Variants in ELOVL6 observed in about 807,000 individuals in gnomAD.
ELOVL6 encodes the protein ELOVL fatty acid elongase 6.
ELOVL6 carries 8 observed loss-of-function variants against 31.7 expected under a neutral mutation model. The observed-to-expected ratio is 0.25, with a 90% confidence interval of 0.15 to 0.45. The LOEUF (loss-of-function observed/expected upper bound fraction) is 0.45. Among genes scored for constraint, ELOVL6 ranks in the 20% least tolerant of loss-of-function variants. The probability of loss-of-function intolerance (pLI) is 1.00; values close to 1 mark genes in which losing one functional copy is unlikely to be tolerated. For missense variants in ELOVL6, 126 were observed against 326.4 expected (o/e 0.39, Z 4.73); for synonymous variants, 101 against 117.7 (o/e 0.86, Z 0.92).
intron 3 of ELOVL6, among the ~76,000 whole-genome samples, chr4:110,053,810 G>C (rs1343221367): frequency 6.6e-6 from 1 of 152,174 alleles, no homozygotes; most frequent in Non-Finnish European, 1.5e-5. Context: ...GTGGTGGTGG[G>C]TGCCTGTGGT....
chr4:110,141,219 A>C (rs149589014), intron 1 of ELOVL6, among the ~76,000 whole-genome samples: 1 of 152,178 alleles, frequency 6.6e-6, no homozygotes, highest in East Asian at 1.9e-4. Context: ...ATGAGCCACC[A>C]CACCCAGCTA....
In ELOVL6 at chr4:110,048,657, G is replaced by C. The variant is rs1250197207; in HGVS notation, c.*2681C>G. The C allele has an allele frequency of 6.6e-6, 1 of 152,148 alleles. No homozygotes were observed. Among genetic ancestry groups the C allele is most frequent in the East Asian group, 1.9e-4 (1 of 5,194 alleles). 9.4% of individuals were successfully genotyped at this position (152,148 alleles called of 1,614,324 possible). A position where few individuals can be genotyped will look rare whatever the true frequency, so the allele number is the denominator to read the frequency against. ...ATGATTAAAGCGGCTAAGCTGAGATGTTAAAAACAGTGTATTGAACCTATA... is the reference window on the plus strand; with the variant it reads ...ATGATTAAAGCGGCTAAGCTGAGATCTTAAAAACAGTGTATTGAACCTATA... On this transcript the variant is annotated 3_prime_UTR_variant, in exon 4 of 4. Transcript: ENST00000302274.
intron 2 of ELOVL6, among the ~76,000 whole-genome samples, chr4:110,072,940 G>T (rs940388334): frequency 6.6e-6 from 1 of 152,082 alleles, no homozygotes; most frequent in African/African-American, 2.4e-5. Flanking sequence ...ATCACGAAAT[G>T]ATTTTGAAAA....
rs1578438219 is a variant in ELOVL6 at position 110,050,209 on chromosome 4, T to C, written c.*1129A>G. On this transcript the variant is annotated 3_prime_UTR_variant, in exon 4 of 4. Coordinates refer to ENST00000302274, the MANE Select transcript of ELOVL6 (RefSeq NM_024090.3). ...AGAAACACAGTGTTCCCCCAATATT[T>C]CGAACAGCCCTGTGATTTCCTTTTG... 1 of 152,588 alleles carries C rather than the reference T, an allele frequency of 6.6e-6. No homozygotes were observed. The highest frequency in any genetic ancestry group is 1.5e-5 in the Non-Finnish European group (1 of 68,032). 9.5% of individuals were successfully genotyped at this position (152,588 alleles called of 1,614,324 possible).
At chr4:110,084,576 A>AGATT (rs1756175796) in intron 2 of ELOVL6, among the ~76,000 whole-genome samples, 1 of 48,702 alleles carries the variant, frequency 2.1e-5, no homozygotes, top group African/African-American at 1.6e-4. Flanking sequence ...ATATATATAT[A>AGATT]TATATATATA....
At chr4:110,089,504 T>G (rs948127250) in intron 2 of ELOVL6, among the ~76,000 whole-genome samples, 1 of 152,140 alleles carries the variant, frequency 6.6e-6, no homozygotes, top group Non-Finnish European at 1.5e-5. Flanking sequence ...TGACTGTACA[T>G]ACAGACAGCT....
intron 1 of ELOVL6, among the ~76,000 whole-genome samples, chr4:110,179,376 C>G (rs997650993): frequency 6.6e-6 from 1 of 152,064 alleles, no homozygotes; most frequent in African/African-American, 2.4e-5. Context: ...TGTGGTGGCA[C>G]ATGCCTGTAA....
chr4:110,081,436 C>A (rs1294383451), intron 2 of ELOVL6, among the ~76,000 whole-genome samples: 1 of 152,112 alleles, frequency 6.6e-6, no homozygotes, highest in African/African-American at 2.4e-5. Flanking sequence ...AGAAATAATG[C>A]CACATATCTA....
chr4:110,190,408 C>A lies in ELOVL6; in HGVS notation c.89+7839G>T, dbSNP rs114216047. ...AATCATGATAAATGTGTAGGCTTGACCTTAGATGACTGACATGGTTCCAAG... is the reference window on the plus strand; with the variant it reads ...AATCATGATAAATGTGTAGGCTTGAACTTAGATGACTGACATGGTTCCAAG... On this transcript the variant is annotated intron_variant, in intron 1 of 3. Coordinates refer to ENST00000302274, the MANE Select transcript of ELOVL6 (RefSeq NM_024090.3). Among the ~76,000 whole-genome samples, 268 of 152,096 alleles carry A rather than the reference C, an allele frequency of 1.8e-3. 2 individuals carry two copies. The highest frequency in any genetic ancestry group is 3.4e-3 in the Middle Eastern group (1 of 294).
intron 1 of ELOVL6, among the ~76,000 whole-genome samples, chr4:110,176,730 T>A (rs1345152365): frequency 6.6e-6 from 1 of 152,206 alleles, no homozygotes; most frequent in Non-Finnish European, 1.5e-5. Flanking sequence ...GATCACTCTC[T>A]TTGTCATTCT....
rs532171204 is a variant in ELOVL6 at position 110,156,672 on chromosome 4, C to T, written c.89+41575G>A. Among the ~76,000 whole-genome samples the T allele has an allele frequency of 1.6e-3, 247 of 152,084 alleles. 2 individuals carry two copies. Among genetic ancestry groups the T allele is most frequent in the Non-Finnish European group, 2.6e-3 (176 of 67,990 alleles). On this transcript the variant is annotated intron_variant, in intron 1 of 3. Transcript: ENST00000302274. ...CTGCACTCCAGCCTGGGCAACAGAG[C>T]GAGACCCTGCCTCAAAAAAACAGAA...
At chr4:110,058,886 G>A (rs930168634) in intron 3 of ELOVL6, among the ~76,000 whole-genome samples, 1 of 152,018 alleles carries the variant, frequency 6.6e-6, no homozygotes, top group African/African-American at 2.4e-5. Context: ...AGAGCTTATT[G>A]TCACCACTAG....
At chr4:110,095,084 C>T (rs905632654) in intron 2 of ELOVL6, among the ~76,000 whole-genome samples, 12 of 152,080 alleles carry the variant, frequency 7.9e-5, no homozygotes, top group African/African-American at 2.7e-4. Flanking sequence ...TCAGATAAGC[C>T]ATTATAGAGA....
At chr4:110,179,739 G>C (rs1401905560) in intron 1 of ELOVL6, among the ~76,000 whole-genome samples, 2 of 152,136 alleles carry the variant, frequency 1.3e-5, no homozygotes, top group Non-Finnish European at 2.9e-5. Context: ...GACATACGGA[G>C]CTGTTATGTT....
At chr4:110,161,885 G>C (rs573272534) in intron 1 of ELOVL6, among the ~76,000 whole-genome samples, 44 of 152,122 alleles carry the variant, frequency 2.9e-4, no homozygotes, top group African/African-American at 9.2e-4. Context: ...TAAGTGCAAG[G>C]GTTCCATATT....
At chr4:110,052,010 G>T (rs1754849509) in intron 3 of ELOVL6, among the ~76,000 whole-genome samples, 1 of 152,188 alleles carries the variant, frequency 6.6e-6, no homozygotes, top group African/African-American at 2.4e-5. Flanking sequence ...TGAGGATTAA[G>T]TAGGATAATC....
In ELOVL6 at chr4:110,138,490, T is replaced by C. The variant is rs183376604; in HGVS notation, c.90-32862A>G. On this transcript the variant is annotated intron_variant, in intron 1 of 3. Transcript: ENST00000302274. ...ACTACGATGTGTTTTGAAGGAAAAT[T>C]AGAGCATCAAAGAGACGGTGTTAGC... Among the ~76,000 whole-genome samples the C allele has an allele frequency of 4.6e-5, 7 of 152,228 alleles. No individual in the cohort carries two copies. The East Asian group carries it at 1.2e-3, about 25-fold the overall frequency.
intron 1 of ELOVL6, among the ~76,000 whole-genome samples, chr4:110,131,270 T>C (rs1757661158): frequency 6.6e-6 from 1 of 152,188 alleles, no homozygotes; most frequent in Non-Finnish European, 1.5e-5. Context: ...GATGCTGAAA[T>C]CCAGAGTTGT....
At chr4:110,061,212 C>T (rs1755127476) in intron 2 of ELOVL6, among the ~76,000 whole-genome samples, 2 of 152,116 alleles carry the variant, frequency 1.3e-5, no homozygotes, top group Non-Finnish European at 2.9e-5. Flanking sequence ...ACCGACAAGG[C>T]CTCTCTGCAC....
Sources: gnomAD v4.1 joint callset for allele counts (sites outside exome capture counted in the v4.1 genomes callset) on GRCh38, gnomAD v4.1.1 for gene constraint, MANE v1.5 for transcripts, NCBI Gene and HGNC (gene_info 2026-07-23, HGNC 2026-07-21) for gene names.